The following MEF2C variants were observed in gnomAD, a reference collection of about 807,000 sequenced individuals.
MEF2C encodes the protein myocyte-specific enhancer factor 2C.
MEF2C carries 6 observed loss-of-function variants against 50.5 expected under a neutral mutation model. That is an observed-to-expected ratio of 0.12 (90% CI 0.07 to 0.23). The LOEUF is 0.23. Among genes scored for constraint, MEF2C ranks in the 10% least tolerant of loss-of-function variants. MEF2C has a pLI of 1.00. For synonymous variants in MEF2C, 183 were observed against 228.0 expected, an observed-to-expected ratio of 0.80 and a Z score of 1.78; for missense variants, 276 against 605.0, an observed-to-expected ratio of 0.46 and a Z score of 5.70.
chr5:88,846,678 G>T (rs747241258), intron 1 of MEF2C, among the ~76,000 whole-genome samples: 1 of 152,178 alleles, frequency 6.6e-6, no homozygotes, highest in Non-Finnish European at 1.5e-5. Context: ...TATTCAGTAT[G>T]TCAGTCACAT....
intron 1 of MEF2C, among the ~76,000 whole-genome samples, chr5:88,869,968 C>G (rs1435090706): frequency 6.6e-6 from 1 of 151,124 alleles, no homozygotes; most frequent in African/African-American, 2.4e-5. Flanking sequence ...TATATCAGAT[C>G]AAATAACTGG....
At chr5:88,750,107 T>C in intron 5 of MEF2C, 1 of 826,794 alleles carries the variant, frequency 1.2e-6, no homozygotes, top group Non-Finnish European at 1.5e-6. Flanking sequence ...ATCATCTAGA[T>C]TTTCTAATTG....
chr5:88,743,749 C>T (rs191187269), intron 6 of MEF2C: 3 of 985,210 alleles, frequency 3.0e-6, no homozygotes, highest in African/African-American at 1.7e-5. Context: ...ACACTGCCAC[C>T]ATCAACTCTC....
chr5:88,878,460 C>T (rs1055481459), intron 1 of MEF2C, among the ~76,000 whole-genome samples: 19 of 151,956 alleles, frequency 1.3e-4, no homozygotes, highest in Non-Finnish European at 2.4e-4. Flanking sequence ...CACAGGTCTA[C>T]GCTTACCATC....
intron 1 of MEF2C, among the ~76,000 whole-genome samples, chr5:88,860,130 C>A (rs910202738): frequency 1.3e-5 from 2 of 152,032 alleles, no homozygotes; most frequent in African/African-American, 4.8e-5. Context: ...TAGGAAAGGA[C>A]AACAGTTTCT....
intron 3 of MEF2C, chr5:88,780,642 G>C (rs190554601): frequency 2.2e-5 from 12 of 552,466 alleles, no homozygotes; most frequent in Admixed American, 6.3e-5. Context: ...AGATACTTAA[G>C]TTTCACCCTA....
chr5:88,740,276 A>C (rs1165750056), intron 6 of MEF2C: 1 of 955,562 alleles, frequency 1.0e-6, no homozygotes, highest in Non-Finnish European at 1.2e-6. Flanking sequence ...GTGTGAAATT[A>C]ACAGTCTGTC....
intron 10 of MEF2C, among the ~76,000 whole-genome samples, chr5:88,727,226 C>T (rs955923390): frequency 2.6e-5 from 4 of 152,082 alleles, no homozygotes; most frequent in African/African-American, 7.2e-5. Flanking sequence ...TAAAACTCTG[C>T]GCTGATCAAT....
At chr5:88,748,859 A>T in intron 6 of MEF2C, 1 of 985,324 alleles carries the variant, frequency 1.0e-6, no homozygotes, top group Non-Finnish European at 1.2e-6. Context: ...AAGCTTTATT[A>T]AGGAAGGTTC....
chr5:88,843,296 T>A, intron 1 of MEF2C: 2 of 977,800 alleles, frequency 2.0e-6, no homozygotes, highest in Non-Finnish European at 2.4e-6. Context: ...GTGAGATGGA[T>A]AGACATGTTA....
At chr5:88,852,224 C>T (rs2362109) in intron 1 of MEF2C, among the ~76,000 whole-genome samples, 63,302 of 151,958 alleles carry the variant, frequency 0.42, 13,795 homozygotes, top group East Asian at 0.48. Flanking sequence ...TAACTAAATA[C>T]TTTAAATCTT....
At chr5:88,888,897 T>C (rs1183028564) in intron 1 of MEF2C, 4 of 152,234 alleles carry the variant, frequency 2.6e-5, no homozygotes, top group African/African-American at 7.2e-5. Flanking sequence ...ACAAAATTGT[T>C]AAATGTTGTT....
chr5:88,784,979 T>G (rs1316254101), intron 3 of MEF2C, among the ~76,000 whole-genome samples: 1 of 152,084 alleles, frequency 6.6e-6, no homozygotes, highest in African/African-American at 2.4e-5. Flanking sequence ...GGGGCCAACA[T>G]GCAAGACGAC....
At chr5:88,864,504 T>C (rs905595852) in intron 1 of MEF2C, among the ~76,000 whole-genome samples, 1 of 151,312 alleles carries the variant, frequency 6.6e-6, no homozygotes, top group Admixed American at 6.6e-5. Flanking sequence ...TATTTGTATA[T>C]TTGTAATATG....
chr5:88,895,088 A>G (rs751597141), intron 1 of MEF2C, among the ~76,000 whole-genome samples: 1 of 152,212 alleles, frequency 6.6e-6, no homozygotes, highest in African/African-American at 2.4e-5. Context: ...GTTAGCTATT[A>G]TATACCATTT....
At chr5:88,892,065 G>A (rs1230334939) in intron 1 of MEF2C, 6 of 150,596 alleles carry the variant, frequency 4.0e-5, no homozygotes, top group Non-Finnish European at 8.9e-5. Flanking sequence ...TTGAATTATT[G>A]TCTTTATTGC....
Position 88,804,710 on chromosome 5 carries a change from T to C in MEF2C, c.146A>G (p.Asn49Ser). The change falls in exon 3 of 11, where the codon AAC becomes AGC. Residue 49 changes from asparagine to serine, a missense_variant. By Grantham distance (46) the Asn-to-Ser change is conservative. Coordinates refer to ENST00000504921, the MANE Select transcript of MEF2C (RefSeq NM_002397.5). Reference protein sequence around the residue: ...CDCEIALIIFNSTNKLFQYAS... With the variant: ...CDCEIALIIFSSTNKLFQYAS... ...ATACTGGAACAGCTTGTTGGTGCTG[T>C]TGAAGATGATCAGCGCAATCTCACA... 6.2e-7 allele frequency: 1 copy of C among 1,614,162 alleles called. No individual in the cohort carries two copies. Among genetic ancestry groups the C allele is most frequent in the Non-Finnish European group, 8.5e-7 (1 of 1,180,014 alleles).
intron 2 of MEF2C, among the ~76,000 whole-genome samples, chr5:88,810,399 T>G (rs576054346): frequency 1.3e-5 from 2 of 152,208 alleles, no homozygotes; most frequent in South Asian, 4.1e-4. Flanking sequence ...GAGAAAAGTT[T>G]TTTTCTTTTT....
In MEF2C at chr5:88,778,548, A is replaced by G. The variant is rs753946316; in HGVS notation, c.259-17220T>C. On this transcript the variant is annotated intron_variant, in intron 3 of 10. Coordinates refer to ENST00000504921, the MANE Select transcript of MEF2C (RefSeq NM_002397.5). ...AAATGTATGCTTTTATGGAGAAACT[A>G]TTGTTTCTCCCTGGGCAAAGCGAGG... 5.1e-4 allele frequency among the ~76,000 whole-genome samples: 78 copies of G among 152,044 alleles called. 2 individuals carry two copies. Among genetic ancestry groups the G allele is most frequent in the Admixed American group, 6.6e-5 (1 of 15,254 alleles).
Sources: allele counts gnomAD v4.1 joint callset (sites outside exome capture counted in the v4.1 genomes callset), GRCh38; gene constraint gnomAD v4.1.1; transcripts MANE v1.5; gene names NCBI Gene and HGNC (gene_info 2026-07-23, HGNC 2026-07-21).